The following POLK variants were observed in gnomAD, a reference collection of about 807,000 sequenced individuals.
POLK encodes the protein DNA polymerase kappa.
In POLK, 76 loss-of-function variants were observed where a neutral mutation model predicts 94.0. The observed-to-expected ratio is 0.81, with a 90% confidence interval of 0.67 to 0.98. The LOEUF (loss-of-function observed/expected upper bound fraction) is 0.98. Among genes scored for constraint, POLK ranks in the 50% least tolerant of loss-of-function variants. POLK has a pLI of 0.00. For synonymous variants in POLK, 349 were observed against 325.4 expected, an observed-to-expected ratio of 1.07 and a Z score of -0.78; for missense variants, 954 against 1,010.1, an observed-to-expected ratio of 0.94 and a Z score of 0.75.
At chr5:75,598,361 A>G (rs1017388573) in exon 15 of POLK, 1 of 155,204 alleles carries the variant, frequency 6.4e-6, no homozygotes, top group African/African-American at 2.4e-5. Flanking sequence ...ACACATGCCT[A>G]TATTATCATA....
At chr5:75,565,545 G>T (rs1273432648) in intron 3 of POLK, among the ~76,000 whole-genome samples, 1 of 152,058 alleles carries the variant, frequency 6.6e-6, no homozygotes, top group Admixed American at 6.6e-5. Context: ...TTTGATTTTG[G>T]TAACCTTTGA....
chr5:75,525,726 A>G (rs1768807821), intron 1 of POLK, among the ~76,000 whole-genome samples: 1 of 152,240 alleles, frequency 6.6e-6, no homozygotes, highest in Non-Finnish European at 1.5e-5. Flanking sequence ...CTAGAAAACA[A>G]TGGAGCAACA....
chr5:75,573,257 G>C (rs1272290028), intron 4 of POLK, among the ~76,000 whole-genome samples: 1 of 152,016 alleles, frequency 6.6e-6, no homozygotes. Context: ...GCAAACTATT[G>C]CAAGGACAAA....
chr5:75,587,078 T>A lies in POLK; in HGVS notation c.1259+20T>A. The stretch of plus-strand genomic sequence containing the variant: ...TGAGAGGTAATGTTTTATTATTTAT[T>A]GTTAATTGTGCATAATTCATGTTAT... On this transcript the variant is annotated intron_variant, in intron 10 of 14. Coordinates refer to ENST00000241436, the Ensembl canonical transcript of POLK. 7.6e-7 allele frequency: 1 copy of A among 1,311,764 alleles called. No individual in the cohort carries two copies. Among genetic ancestry groups the A allele is most frequent in the Non-Finnish European group, 1.1e-6 (1 of 918,838 alleles). 81.3% of individuals were successfully genotyped at this position (1,311,764 alleles called of 1,614,324 possible).
intron 9 of POLK, among the ~76,000 whole-genome samples, chr5:75,585,512 C>CT (rs1418369232): frequency 6.6e-6 from 1 of 151,982 alleles, no homozygotes; most frequent in African/African-American, 2.4e-5. Context: ...TAGAAAATGA[C>CT]TGGGGGGTAA....
At chr5:75,572,038 C>T (rs974148952) in intron 4 of POLK, among the ~76,000 whole-genome samples, 1 of 152,140 alleles carries the variant, frequency 6.6e-6, no homozygotes, top group African/African-American at 2.4e-5. Flanking sequence ...AATCATTAGA[C>T]GAAAATTCAT....
chr5:75,531,400 C>A (rs989074379), intron 1 of POLK, among the ~76,000 whole-genome samples: 7 of 151,398 alleles, frequency 4.6e-5, no homozygotes, highest in Non-Finnish European at 7.4e-5. Context: ...GCTATTTACA[C>A]CAGTATATAA....
chr5:75,601,410 T>C (rs1773293362), downstream of POLK, among the ~76,000 whole-genome samples: 1 of 152,144 alleles, frequency 6.6e-6, no homozygotes, highest in Admixed American at 6.5e-5. Context: ...AGTGTCAACT[T>C]GATTGGATTA....
At chr5:75,596,151 A>G in intron 12 of POLK, 71 bp from the exon 13 acceptor site, 1 of 840,400 alleles carries the variant, frequency 1.2e-6, no homozygotes, top group Non-Finnish European at 1.9e-6. Flanking sequence ...GCACTAGACA[A>G]AATGTTTTTA....
intron 1 of POLK, among the ~76,000 whole-genome samples, chr5:75,525,080 G>T (rs1768771174): frequency 6.6e-6 from 1 of 152,158 alleles, no homozygotes; most frequent in South Asian, 2.1e-4. Flanking sequence ...ACAGAATCTA[G>T]AGTTCTTACA....
chr5:75,597,976 AC>A lies in POLK; in HGVS notation c.2573del (p.Pro858GlnfsTer16). The A allele has an allele frequency of 6.7e-7, 1 of 1,500,994 alleles. No individual in the cohort carries two copies. Among genetic ancestry groups the A allele is most frequent in the Non-Finnish European group, 9.0e-7 (1 of 1,107,726 alleles). The allele number at this position is 1,500,994 out of a possible 1,614,324, so 93.0% of individuals were successfully genotyped here. On this transcript the variant is annotated frameshift_variant, in exon 15 of 15. Transcript: ENST00000241436. LOFTEE classifies it high-confidence loss of function. Reference sequence around the variant, plus strand: ...AGTACTCAACATCAAAGAAAATAAAACCAAACAATCCCAAACATACCCTTGA... The same window carrying A: ...AGTACTCAACATCAAAGAAAATAAAACAAACAATCCCAAACATACCCTTGA...
exon 7 of POLK, chr5:75,581,378 A>G: frequency 6.2e-7 from 1 of 1,613,674 alleles, no homozygotes; most frequent in Non-Finnish European, 8.5e-7. Context: ...TTTTTGGAAC[A>G]TCAGCCCAGG....
chr5:75,534,936 C>T (rs1275568665), intron 1 of POLK: 1 of 152,194 alleles, frequency 6.6e-6, no homozygotes, highest in Non-Finnish European at 1.5e-5. Context: ...AGTTATCATT[C>T]TGTCTTTTAA....
intron 1 of POLK, among the ~76,000 whole-genome samples, chr5:75,540,355 G>A (rs1769675340): frequency 6.6e-6 from 1 of 151,646 alleles, no homozygotes; most frequent in African/African-American, 2.4e-5. Context: ...TGTCCAGGCT[G>A]GAGTGCAGTG....
At chr5:75,608,018 C>T in the POLK span, among the ~76,000 whole-genome samples, 4 of 152,100 alleles carry the variant, frequency 2.6e-5, no homozygotes, top group African/African-American at 9.7e-5. Context: ...TAAAGGTTTA[C>T]TTCAGAATTG....
Position 75,577,851 on chromosome 5 carries a change from G to T in POLK, c.694+918G>T, listed in dbSNP as rs184631115. ...TCATTACCTTATTTAAAGTGCTAAGGGATAGCTCTCTCTTTTTTTTTATAG... is the reference window on the plus strand; with the variant it reads ...TCATTACCTTATTTAAAGTGCTAAGTGATAGCTCTCTCTTTTTTTTTATAG... On this transcript the variant is annotated intron_variant, in intron 6 of 14. Coordinates refer to ENST00000241436, the Ensembl canonical transcript of POLK. Among the ~76,000 whole-genome samples, 119 of 152,228 alleles carry T rather than the reference G, an allele frequency of 7.8e-4. 1 individual carries two copies. The highest frequency in any genetic ancestry group is 2.7e-3 in the African/African-American group (113 of 41,544).
intron 10 of POLK, among the ~76,000 whole-genome samples, chr5:75,587,830 G>C (rs2112851115): frequency 6.6e-6 from 1 of 152,216 alleles, no homozygotes; most frequent in Non-Finnish European, 1.5e-5. Context: ...TGAGGCACAA[G>C]AATTGAACCC....
upstream of POLK, chr5:75,511,565 CG>C: frequency 6.9e-7 from 1 of 1,456,412 alleles, no homozygotes; most frequent in Admixed American, 2.6e-5. Flanking sequence ...AAAATCCGGC[CG>C]CTGAGTCCCG....
In POLK at chr5:75,576,853, CAA is replaced by C. The variant is rs1350039090; in HGVS notation, c.616_617del (p.Lys206AlafsTer10). 1 of 1,562,084 alleles carries C rather than the reference CAA, an allele frequency of 6.4e-7. No homozygotes were observed. Among genetic ancestry groups the C allele is most frequent in the African/African-American group, 1.4e-5 (1 of 72,482 alleles). ...CTTGATGAAGCCTACTTGAATATAA[CAA>C]AGCACTTAGAAGAAAGACAAAATTG... On this transcript the variant is annotated frameshift_variant, in exon 6 of 15. Coordinates refer to ENST00000241436, the Ensembl canonical transcript of POLK. LOFTEE classifies it high-confidence loss of function.
Sources: allele counts gnomAD v4.1 joint callset (sites outside exome capture counted in the v4.1 genomes callset), GRCh38; gene constraint gnomAD v4.1.1; transcripts MANE v1.5; gene names NCBI Gene and HGNC (gene_info 2026-07-23, HGNC 2026-07-21).